PRKCH: variants seen among roughly 807,000 people sequenced by gnomAD.
PRKCH encodes protein kinase C eta type.
A neutral mutation model predicts 82.5 loss-of-function variants in PRKCH; 28 were observed. The observed-to-expected ratio is 0.34, with a 90% CI of 0.25 to 0.47. The LOEUF (loss-of-function observed/expected upper bound fraction) is 0.47, where lower values mean the gene tolerates loss of function less well. PRKCH is among the 20% of genes least tolerant of loss of function. The probability of loss-of-function intolerance (pLI) is 1.00; values close to 1 mark genes in which losing one functional copy is unlikely to be tolerated. For synonymous variants in PRKCH, 322 were observed against 327.4 expected (o/e 0.98, Z 0.18); for missense variants, 705 against 881.8 (o/e 0.80, Z 2.54).
chr14:61,226,070 T>G (rs1473766890), intron 1 of PRKCH, among the ~76,000 whole-genome samples: 1 of 152,218 alleles, frequency 6.6e-6, no homozygotes, highest in Non-Finnish European at 1.5e-5. Context: ...TACCGAAATC[T>G]GGCAGCCCCT....
intron 1 of PRKCH, among the ~76,000 whole-genome samples, chr14:61,240,581 T>C (rs898106579): frequency 6.6e-6 from 1 of 152,122 alleles, no homozygotes; most frequent in Non-Finnish European, 1.5e-5. Context: ...AGTCTGGTTT[T>C]TCAAGCCTCT....
chr14:61,215,595 CA>C (rs1439819386), intron 1 of PRKCH, among the ~76,000 whole-genome samples: 3 of 152,060 alleles, frequency 2.0e-5, no homozygotes, highest in African/African-American at 7.3e-5. Flanking sequence ...TACAGATGCT[CA>C]ATAAATATTT....
intron 1 of PRKCH, among the ~76,000 whole-genome samples, chr14:61,332,862 T>C (rs943676359): frequency 2.6e-5 from 4 of 152,204 alleles, no homozygotes; most frequent in Non-Finnish European, 5.9e-5. Context: ...TTCCTTACAA[T>C]GGACTTTGGT....
intron 10 of PRKCH, 69 bp from the exon 11 acceptor site, chr14:61,529,006 G>GTGTGTGTGTA: frequency 1.4e-6 from 2 of 1,470,278 alleles, no homozygotes; most frequent in East Asian, 2.4e-5. Flanking sequence ...GTGTGTGTGT[G>GTGTGTGTGTA]CCCATTCTGA....
Position 61,443,144 on chromosome 14 carries a change from T to G in PRKCH, c.461T>G (p.Phe154Cys). 7 of 1,614,060 alleles carry G rather than the reference T, an allele frequency of 4.3e-6. No homozygotes were observed. Among genetic ancestry groups the G allele is most frequent in the Non-Finnish European group, 5.9e-6 (7 of 1,179,930 alleles). Residue 154 changes from phenylalanine (F) to cysteine (C), a missense_variant, in exon 3 of 14, where the codon TTT becomes TGT. Physicochemically the swap from Phe to Cys is radical, Grantham distance 205 (BLOSUM62 -2). Around this residue, in one of 5 missense-constraint regions of PRKCH, gnomAD observed 246 missense variants for 308.0 expected, o/e 0.80. Transcript: ENST00000332981. ...TLQRDRIFKH[F>C]TRKRQRAMRR... ...CAGAGAGACCGGATCTTCAAACATTTTACCAGGAAGCGCCAAAGGGCTATG... is the reference window on the plus strand; with the variant it reads ...CAGAGAGACCGGATCTTCAAACATTGTACCAGGAAGCGCCAAAGGGCTATG...
chr14:61,505,385 CTTTTCTTTTCTTTTTTTTTTT>C (rs1201241945), intron 10 of PRKCH, among the ~76,000 whole-genome samples: 1 of 75,078 alleles, frequency 1.3e-5, no homozygotes, highest in East Asian at 4.6e-4. Flanking sequence ...CTTTTCTTTT[CTTTTCTTTTCTTTTTTTTTTT>C]TTTTTTTTTT....
chr14:61,464,147 G>A (rs948855129), intron 9 of PRKCH, among the ~76,000 whole-genome samples: 1 of 152,140 alleles, frequency 6.6e-6, no homozygotes, highest in Non-Finnish European at 1.5e-5. Flanking sequence ...CCTCCATACC[G>A]TTTTCCAAAT....
chr14:61,275,921 G>A (rs1049295619), intron 1 of PRKCH, among the ~76,000 whole-genome samples: 2 of 152,168 alleles, frequency 1.3e-5, no homozygotes, highest in African/African-American at 4.8e-5. Context: ...CATGAGTACC[G>A]CTAATGACGG....
chr14:61,360,430 G>T (rs2046209377), intron 1 of PRKCH, among the ~76,000 whole-genome samples: 1 of 152,232 alleles, frequency 6.6e-6, no homozygotes, highest in South Asian at 2.1e-4. Flanking sequence ...ATTTGAACAT[G>T]GGAGGCGGAG....
At chr14:61,258,432 C>A (rs2045017967) in intron 1 of PRKCH, among the ~76,000 whole-genome samples, 1 of 151,888 alleles carries the variant, frequency 6.6e-6, no homozygotes, top group Non-Finnish European at 1.5e-5. Context: ...GCCTGGTATC[C>A]CCTTTTATTT....
intron 4 of PRKCH, among the ~76,000 whole-genome samples, 166 bp downstream of exon 4, chr14:61,445,892 G>A (rs1373660145): frequency 1.3e-5 from 2 of 151,448 alleles, no homozygotes; most frequent in East Asian, 3.9e-4. Context: ...GTGAGATCTT[G>A]GCCATATTTT....
chr14:61,374,214 G>C (rs926585801), intron 1 of PRKCH, among the ~76,000 whole-genome samples: 1 of 152,136 alleles, frequency 6.6e-6, no homozygotes, highest in East Asian at 1.9e-4. Context: ...TGCAAGGGGT[G>C]GGCTCCGAAT....
intron 4 of PRKCH, 148 bp downstream of exon 4, chr14:61,445,874 T>TG: frequency 7.4e-6 from 6 of 812,490 alleles, no homozygotes; most frequent in Non-Finnish European, 1.2e-5. Context: ...ATACAACTCT[T>TG]TAGTTTGGTG....
Position 61,391,689 on chromosome 14 carries a change from T to G in PRKCH, c.427+401T>G, listed in dbSNP as rs528222596. 2.8e-4 allele frequency among the ~76,000 whole-genome samples: 43 copies of G among 152,334 alleles called. No homozygotes were observed. The South Asian group carries it at 8.9e-3, about 32-fold the overall frequency. On this transcript the variant is annotated intron_variant, in intron 2 of 13. Coordinates refer to ENST00000332981, the MANE Select transcript of PRKCH (RefSeq NM_006255.5). Reference sequence around the variant, plus strand: ...AGTTATCTTCTTTATAATCTCTATCTCATTTGTGACCTGTAAGGGATTCTG... The same window carrying G: ...AGTTATCTTCTTTATAATCTCTATCGCATTTGTGACCTGTAAGGGATTCTG...
At chr14:61,247,655 G>C (rs932253179) in intron 1 of PRKCH, among the ~76,000 whole-genome samples, 1 of 132,648 alleles carries the variant, frequency 7.5e-6, no homozygotes, top group Non-Finnish European at 1.5e-5. Context: ...AGAATCGCTT[G>C]AACCCTGGAG....
chr14:61,457,748 G>T, intron 9 of PRKCH, 69 bp downstream of exon 9: 1 of 1,559,746 alleles, frequency 6.4e-7, no homozygotes, highest in Non-Finnish European at 8.7e-7. Flanking sequence ...TAAGATACTG[G>T]AGATTTCATA....
intron 2 of PRKCH, among the ~76,000 whole-genome samples, chr14:61,424,527 C>T (rs1883010938): frequency 6.6e-6 from 1 of 152,088 alleles, no homozygotes; most frequent in African/African-American, 2.4e-5. Flanking sequence ...AGCATTTTGC[C>T]CACACCCTAG....
At chr14:61,365,593 A>G (rs2046288121) in intron 1 of PRKCH, among the ~76,000 whole-genome samples, 1 of 152,106 alleles carries the variant, frequency 6.6e-6, no homozygotes, top group Non-Finnish European at 1.5e-5. Context: ...GGGACACGAT[A>G]GATTTATGCT....
chr14:61,243,438 G>A (rs574943592), intron 1 of PRKCH, among the ~76,000 whole-genome samples: 1 of 150,780 alleles, frequency 6.6e-6, no homozygotes, highest in South Asian at 2.1e-4. Flanking sequence ...AAGGAGGAGA[G>A]AAAGAGGAAG....
Sources: gnomAD v4.1 joint callset for allele counts (sites outside exome capture counted in the v4.1 genomes callset) on GRCh38, gnomAD v4.1.1 for gene constraint, gnomAD v4.1.1 regional missense constraint, MANE v1.5 for transcripts, NCBI Gene and HGNC (gene_info 2026-07-23, HGNC 2026-07-21) for gene names.